TRIM34: variants seen among roughly 807,000 people sequenced by gnomAD.
TRIM34 encodes the protein tripartite motif containing 34.
TRIM34 carries 41 observed loss-of-function variants against 38.1 expected under a neutral mutation model. That is an observed-to-expected ratio of 1.08 (90% CI 0.84 to 1.40). The LOEUF is 1.40. Ranked by LOEUF, TRIM34 falls within the 40% of genes most tolerant of loss-of-function variation. The pLI is 0.00. For synonymous variants in TRIM34, 200 were observed against 202.5 expected, an observed-to-expected ratio of 0.99 and a Z score of 0.10; for missense variants, 556 against 571.4, an observed-to-expected ratio of 0.97 and a Z score of 0.27.
At chr11:5,621,034 G>A (rs1419515755), upstream of TRIM34, among the ~76,000 whole-genome samples, 1 of 152,178 alleles carries the variant, frequency 6.6e-6, no homozygotes, top group African/African-American at 2.4e-5. Context: ...GCGATTCCAA[G>A]TTAGATACAG....
upstream of TRIM34, among the ~76,000 whole-genome samples, chr11:5,623,105 CTTTT>C (rs11301714): frequency 2.8e-5 from 3 of 106,836 alleles, no homozygotes; most frequent in Middle Eastern, 4.7e-3. Context: ...CTGTCTGGAG[CTTTT>C]TTTTTTTTTT....
intron 5 of TRIM34, 73 bp from the exon 6 acceptor site, chr11:5,642,333 T>C: frequency 1.4e-6 from 2 of 1,387,342 alleles, no homozygotes; most frequent in East Asian, 2.3e-5. Context: ...GTGAAGGAGA[T>C]GAAACCAGTG....
chr11:5,624,821 A>G (rs1427123831), upstream of TRIM34: 1 of 152,172 alleles, frequency 6.6e-6, no homozygotes, highest in South Asian at 2.1e-4. Flanking sequence ...GATTAAGAGC[A>G]TTACCTTCTG....
upstream of TRIM34, among the ~76,000 whole-genome samples, chr11:5,624,360 G>T (rs77578844): frequency 6.5e-3 from 992 of 152,250 alleles, 8 homozygotes; most frequent in African/African-American, 0.023. Context: ...ACTCCCAAAA[G>T]TTCCCCAGGT....
In TRIM34 at chr11:5,643,204, GA is replaced by G. The variant is rs972737789; in HGVS notation, c.963del (p.Arg321SerfsTer3). 1.9e-6 allele frequency: 3 copies of G among 1,610,636 alleles called. No individual in the cohort carries two copies. Among genetic ancestry groups the G allele is most frequent in the African/African-American group, 1.3e-5 (1 of 74,656 alleles). On this transcript the variant is annotated frameshift_variant, in exon 8 of 8. Transcript: ENST00000429814. LOFTEE classifies it low-confidence loss of function (END_TRUNC). Reference protein sequence around the residue: ...NLNLVLSEDQRQVISVPIWPF... With the variant: ...NLNLVLSEDQXQVISVPIWPF... Reference sequence around the variant, plus strand: ...AATCTTGTCCTTTCAGAAGATCAGAGACAAGTGATATCTGTGCCAATTTGGC... The same window carrying G: ...AATCTTGTCCTTTCAGAAGATCAGAGCAAGTGATATCTGTGCCAATTTGGC...
At chr11:5,641,999 G>A (rs532736665) in intron 5 of TRIM34, among the ~76,000 whole-genome samples, 7 of 152,242 alleles carry the variant, frequency 4.6e-5, no homozygotes, top group Non-Finnish European at 7.4e-5. Flanking sequence ...CTACAGCTCA[G>A]AATACCACAT....
At chr11:5,631,212 T>C (rs1290978789) in intron 1 of TRIM34, among the ~76,000 whole-genome samples, 5 of 151,384 alleles carry the variant, frequency 3.3e-5, no homozygotes, top group African/African-American at 1.2e-4. Context: ...AATCCTACCA[T>C]CTACAAACAC....
chr11:5,622,994 C>A (rs1849046562), upstream of TRIM34, among the ~76,000 whole-genome samples: 1 of 151,704 alleles, frequency 6.6e-6, no homozygotes, highest in South Asian at 2.1e-4. Flanking sequence ...GTTTCCAGGT[C>A]ATAGGTAGAT....
upstream of TRIM34, among the ~76,000 whole-genome samples, chr11:5,622,419 T>C (rs1390738969): frequency 1.4e-5 from 2 of 144,918 alleles, no homozygotes; most frequent in East Asian, 2.0e-4. Context: ...CACTCCAGCC[T>C]GGGCGACAGA....
intron 4 of TRIM34, among the ~76,000 whole-genome samples, chr11:5,635,299 A>G (rs1300177580): frequency 7.1e-6 from 1 of 140,652 alleles, no homozygotes; most frequent in East Asian, 2.0e-4. Context: ...TCTGTCTCCC[A>G]GGCTGGAGTG....
At chr11:5,639,816 T>G (rs7944669) in intron 4 of TRIM34, among the ~76,000 whole-genome samples, 89,104 of 151,612 alleles carry the variant, frequency 0.59, 28,158 homozygotes, top group Non-Finnish European at 0.73. Context: ...CTTTCCAATA[T>G]AGAAGCTTTT....
At chr11:5,635,032 G>C (rs1191629154) in intron 4 of TRIM34, among the ~76,000 whole-genome samples, 171 bp downstream of exon 4, 6 of 152,018 alleles carry the variant, frequency 3.9e-5, no homozygotes, top group African/African-American at 1.5e-4. Flanking sequence ...TATGAAGTAA[G>C]GGAATACATT....
upstream of TRIM34, among the ~76,000 whole-genome samples, chr11:5,622,961 G>A (rs555063735): frequency 7.2e-5 from 11 of 152,290 alleles, no homozygotes; most frequent in Middle Eastern, 3.4e-3. Flanking sequence ...CCGCAAAGGC[G>A]GGACAGCTGA....
intron 4 of TRIM34, 103 bp downstream of exon 4, chr11:5,634,964 A>AGTGCCGCCTTGTC: frequency 7.8e-7 from 1 of 1,276,432 alleles, no homozygotes; most frequent in South Asian, 1.5e-5. Flanking sequence ...TTGGCCTTGC[A>AGTGCCGCCTTGTC]GTGCCGCCTT....
rs566884877 is a variant in TRIM34 at position 5,643,125 on chromosome 11, A to T, written c.902-19A>T. 482 of 974,498 alleles carry T rather than the reference A, an allele frequency of 4.9e-4. 2 individuals are homozygous for T. The highest frequency in any genetic ancestry group is 3.3e-3 in the African/African-American group (156 of 46,630). 60.4% of individuals were successfully genotyped at this position (974,498 alleles called of 1,614,324 possible). The stretch of plus-strand genomic sequence containing the variant: ...ATTATATTCATATACATATATATAT[A>T]TTTTTTTTTTTCTTGCAGTGGATGT... On this transcript the variant is annotated intron_variant, in intron 7 of 7. Coordinates refer to ENST00000429814, the MANE Select transcript of TRIM34 (RefSeq NM_021616.6).
chr11:5,643,786 AT>A lies in TRIM34; in HGVS notation c.*79del. 1 of 1,499,020 alleles carries A rather than the reference AT, an allele frequency of 6.7e-7. No homozygotes were observed. The highest frequency in any genetic ancestry group is 8.9e-7 in the Non-Finnish European group (1 of 1,124,284). 92.9% of individuals were successfully genotyped at this position (1,499,020 alleles called of 1,614,324 possible). Reference sequence around the variant, plus strand: ...CTGACTCATCTGCAACATTCACACCATTGCTTCCTTGTGGTTTCCCTTCTTT... The same window carrying A: ...CTGACTCATCTGCAACATTCACACCATGCTTCCTTGTGGTTTCCCTTCTTT... On this transcript the variant is annotated 3_prime_UTR_variant, in exon 8 of 8. Coordinates refer to ENST00000429814, the MANE Select transcript of TRIM34 (RefSeq NM_021616.6).
At chr11:5,634,492 T>TACACAC (rs3060967) in intron 3 of TRIM34, 139 bp from the exon 4 acceptor site, 4,335 of 227,778 alleles carry the variant, frequency 0.019, 113 homozygotes, top group East Asian at 0.08. Flanking sequence ...ATAATATAAA[T>TACACAC]ACACACACAC....
chr11:5,643,559 T>G lies in TRIM34; in HGVS notation c.1317T>G (p.Tyr439Ter). ...PPCRVGVFLD[Y>*]EAGIVSFFNV... is the part of the protein sequence containing the mutation. ...GCCGTGTTGGGGTTTTCCTCGACTA[T>G]GAAGCAGGCATTGTCTCATTTTTCA... Residue 439 changes from tyrosine (Y) to a stop codon, truncating the protein, a stop_gained, in exon 8 of 8, where the codon TAT becomes TAG. Coordinates refer to ENST00000429814, the MANE Select transcript of TRIM34 (RefSeq NM_021616.6). LOFTEE classifies it low-confidence loss of function (END_TRUNC). 5.6e-6 allele frequency: 9 copies of G among 1,614,222 alleles called. No homozygotes were observed. Among genetic ancestry groups the G allele is most frequent in the Non-Finnish European group, 7.6e-6 (9 of 1,180,036 alleles).
upstream of TRIM34, among the ~76,000 whole-genome samples, chr11:5,621,199 A>C (rs556985222): frequency 6.6e-6 from 1 of 152,122 alleles, no homozygotes; most frequent in South Asian, 2.1e-4. Context: ...AGGCTGCTGC[A>C]CTCTCTTAAA....
Sources: allele counts gnomAD v4.1 joint callset (sites outside exome capture counted in the v4.1 genomes callset), GRCh38; gene constraint gnomAD v4.1.1; transcripts MANE v1.5; gene names NCBI Gene and HGNC (gene_info 2026-07-23, HGNC 2026-07-21).